The following ASIC2 variants were observed in gnomAD, a reference collection of about 807,000 sequenced individuals.
ASIC2 encodes acid-sensing ion channel 2.
Under a neutral mutation model 57.3 loss-of-function variants are expected in ASIC2, and 25 were observed. The ratio of observed to expected loss-of-function variants is 0.44; its 90% CI spans 0.32 to 0.61. The LOEUF (loss-of-function observed/expected upper bound fraction) is 0.61, where lower values mean the gene tolerates loss of function less well. ASIC2 is among the 20% of genes least tolerant of loss of function. ASIC2 has a pLI of 0.06. For missense variants in ASIC2, 641 were observed against 738.1 expected (o/e 0.87, Z 1.52); for synonymous variants, 319 against 307.5 (o/e 1.04, Z -0.39).
chr17:33,142,787 G>T (rs62069667), intron 1 of ASIC2, among the ~76,000 whole-genome samples: 6,310 of 152,246 alleles, frequency 0.041, 184 homozygotes, highest in East Asian at 0.085. Context: ...GAACATACCA[G>T]CAATAAGCTA....
chr17:33,863,748 C>T (rs891058055), intron 1 of ASIC2, among the ~76,000 whole-genome samples: 3 of 152,156 alleles, frequency 2.0e-5, no homozygotes, highest in Non-Finnish European at 4.4e-5. Flanking sequence ...TAATATGCTT[C>T]CGACAATCTC....
intron 1 of ASIC2, among the ~76,000 whole-genome samples, chr17:33,258,890 G>A (rs1463631316): frequency 2.6e-5 from 4 of 152,190 alleles, no homozygotes; most frequent in Non-Finnish European, 5.9e-5. Context: ...CATGCACAGT[G>A]GAGGCCGGGA....
chr17:33,595,988 A>G (rs1244574077), intron 1 of ASIC2, among the ~76,000 whole-genome samples: 4 of 152,248 alleles, frequency 2.6e-5, no homozygotes, highest in African/African-American at 7.2e-5. Context: ...TACAGACTCT[A>G]TAATGCTCCT....
intron 2 of ASIC2, among the ~76,000 whole-genome samples, chr17:33,107,652 A>T (rs2092240337): frequency 6.6e-6 from 1 of 152,194 alleles, no homozygotes; most frequent in Non-Finnish European, 1.5e-5. Flanking sequence ...GATAATTTTC[A>T]TAGAGTCATT....
chr17:33,275,323 C>A (rs1007334526), intron 1 of ASIC2, among the ~76,000 whole-genome samples: 1 of 152,184 alleles, frequency 6.6e-6, no homozygotes, highest in South Asian at 2.1e-4. Context: ...ATTTAAATAT[C>A]TCAGGCAAAA....
At chr17:33,344,111 C>G (rs977337371) in intron 1 of ASIC2, among the ~76,000 whole-genome samples, 1 of 152,186 alleles carries the variant, frequency 6.6e-6, no homozygotes, top group Non-Finnish European at 1.5e-5. Flanking sequence ...TCCAACTTCC[C>G]CAGCAGATAA....
chr17:33,768,604 C>T (rs182990809), intron 1 of ASIC2, among the ~76,000 whole-genome samples: 4 of 152,300 alleles, frequency 2.6e-5, no homozygotes, highest in Admixed American at 2.0e-4. Context: ...CAGACAGGGG[C>T]AGGTCCCCAG....
intron 1 of ASIC2, among the ~76,000 whole-genome samples, chr17:33,563,872 T>A (rs1352497008): frequency 6.6e-6 from 1 of 152,204 alleles, no homozygotes; most frequent in Non-Finnish European, 1.5e-5. Flanking sequence ...TTGGATGCTT[T>A]GACCAGCAGG....
At chr17:33,827,349 T>TTTTTTTTTTTTTTTTTTTTTTTAAA (rs1912957675) in intron 1 of ASIC2, among the ~76,000 whole-genome samples, 2 of 138,188 alleles carry the variant, frequency 1.4e-5, no homozygotes, top group South Asian at 2.3e-4. Context: ...TTTTTTTTTT[T>TTTTTTTTTTTTTTTTTTTTTTTAAA]GAGACAGAGT....
intron 1 of ASIC2, among the ~76,000 whole-genome samples, chr17:33,766,793 C>G (rs1439619577): frequency 6.6e-6 from 1 of 152,194 alleles, no homozygotes; most frequent in East Asian, 1.9e-4. Flanking sequence ...AGAAAAATCA[C>G]AGCTGTTTTG....
At chr17:33,886,324 G>T (rs562204532) in intron 1 of ASIC2, among the ~76,000 whole-genome samples, 2 of 152,076 alleles carry the variant, frequency 1.3e-5, no homozygotes, top group Non-Finnish European at 2.9e-5. Flanking sequence ...ATGTCAGGGG[G>T]CAGGGAAGGT....
intron 1 of ASIC2, among the ~76,000 whole-genome samples, chr17:33,351,280 T>C (rs1008865837): frequency 6.6e-6 from 1 of 152,042 alleles, no homozygotes; most frequent in Non-Finnish European, 1.5e-5. Context: ...CCCTTTCTGT[T>C]TGGAGGCTGA....
At chr17:33,331,815 A>G (rs900890744) in intron 1 of ASIC2, among the ~76,000 whole-genome samples, 2 of 152,252 alleles carry the variant, frequency 1.3e-5, no homozygotes, top group African/African-American at 4.8e-5. Context: ...GGTTTAGGAA[A>G]GGTAGGCAAC....
intron 1 of ASIC2, chr17:33,572,438 T>C (rs1916480848): frequency 6.6e-6 from 1 of 152,178 alleles, no homozygotes; most frequent in Non-Finnish European, 1.5e-5. Flanking sequence ...TGAGGCCGGG[T>C]TATGGCAGAG....
At chr17:33,863,909 T>TG (rs1555567734) in intron 1 of ASIC2, among the ~76,000 whole-genome samples, 37 of 128,332 alleles carry the variant, frequency 2.9e-4, no homozygotes, top group East Asian at 1.2e-3. Flanking sequence ...TGTTTTTTTT[T>TG]TTTTTGTTTT....
chr17:34,101,889 G>A (rs1910878888), intron 1 of ASIC2, among the ~76,000 whole-genome samples: 1 of 152,136 alleles, frequency 6.6e-6, no homozygotes, highest in Admixed American at 6.5e-5. Context: ...TCGACATTCA[G>A]CCATTCTTGA....
At chr17:33,785,504 C>T (rs771875502) in intron 1 of ASIC2, among the ~76,000 whole-genome samples, 3 of 152,136 alleles carry the variant, frequency 2.0e-5, no homozygotes. Flanking sequence ...TGTGGCTGAA[C>T]CAGGATTCAA....
intron 1 of ASIC2, among the ~76,000 whole-genome samples, chr17:34,112,332 A>G (rs1911301246): frequency 6.6e-6 from 1 of 152,176 alleles, no homozygotes; most frequent in Non-Finnish European, 1.5e-5. Flanking sequence ...ATCATAATAA[A>G]TTCAATAACA....
intron 1 of ASIC2, among the ~76,000 whole-genome samples, chr17:33,270,674 A>G (rs916497663): frequency 2.0e-5 from 3 of 152,130 alleles, no homozygotes; most frequent in Admixed American, 6.5e-5. Context: ...TGTTTCTTAT[A>G]TCACCTGTCT....
Sources: gnomAD v4.1 joint callset for allele counts (sites outside exome capture counted in the v4.1 genomes callset) on GRCh38, gnomAD v4.1.1 for gene constraint, MANE v1.5 for transcripts, NCBI Gene and HGNC (gene_info 2026-07-23, HGNC 2026-07-21) for gene names.